CDH4: variants seen among roughly 807,000 people sequenced by gnomAD.
The protein encoded by CDH4 is cadherin-4.
CDH4 carries 33 observed loss-of-function variants against 86.0 expected under a neutral mutation model. The ratio of observed to expected loss-of-function variants is 0.38; its 90% CI spans 0.29 to 0.51. CDH4 has a LOEUF of 0.51. Among genes scored for constraint, CDH4 ranks in the 20% least tolerant of loss-of-function variants. The pLI, the probability that CDH4 is intolerant of heterozygous loss-of-function variation, is 0.86. For missense variants in CDH4, 1,114 were observed against 1,307.4 expected (o/e 0.85, Z 2.28); for synonymous variants, 555 against 549.4 (o/e 1.01, Z -0.14).
At chr20:61,716,591 C>T (rs1011753353) in intron 2 of CDH4, among the ~76,000 whole-genome samples, 2 of 152,186 alleles carry the variant, frequency 1.3e-5, no homozygotes, top group South Asian at 2.1e-4. Context: ...AAGAAAGACT[C>T]ACCAAAGCCC....
chr20:61,725,088 G>A (rs953849997), intron 2 of CDH4, among the ~76,000 whole-genome samples: 4 of 152,156 alleles, frequency 2.6e-5, no homozygotes, highest in African/African-American at 7.2e-5. Flanking sequence ...CTCCAGCCTG[G>A]GCGACAGAGT....
At chr20:61,934,675 G>C (rs929968452) in intron 15 of CDH4, among the ~76,000 whole-genome samples, 1 of 152,214 alleles carries the variant, frequency 6.6e-6, no homozygotes, top group African/African-American at 2.4e-5. Context: ...GATGCTCAGA[G>C]AGGCAGAGGC....
chr20:61,771,961 T>C (rs79347085), intron 3 of CDH4, among the ~76,000 whole-genome samples: 2,229 of 152,290 alleles, frequency 0.015, 53 homozygotes, highest in African/African-American at 0.051. Flanking sequence ...TTTGAGGCTC[T>C]TGATAGTCAC....
chr20:61,612,550 C>T (rs2086693264), intron 2 of CDH4, among the ~76,000 whole-genome samples: 1 of 152,094 alleles, frequency 6.6e-6, no homozygotes, highest in South Asian at 2.1e-4. Context: ...GACAGCTGTC[C>T]ACATGGTCAC....
At chr20:61,420,821 C>T (rs2085173615) in intron 2 of CDH4, among the ~76,000 whole-genome samples, 1 of 152,240 alleles carries the variant, frequency 6.6e-6, no homozygotes, top group African/African-American at 2.4e-5. Flanking sequence ...GTGGCATGTC[C>T]CACGGGGGAT....
Position 61,582,771 on chromosome 20 carries a change from A to G in CDH4, c.170-160792A>G, listed in dbSNP as rs1237852188. On this transcript the variant is annotated intron_variant, in intron 2 of 15. Transcript: ENST00000614565. The surrounding 1 kb of genome is among the most constrained non-coding windows in gnomAD (Gnocchi z 4.2). Reference sequence around the variant, plus strand: ...CACGCCTGCCCTTCGTTTCTTTAACAGTTTTATTAAGGTGTAATTTACATG... The same window carrying G: ...CACGCCTGCCCTTCGTTTCTTTAACGGTTTTATTAAGGTGTAATTTACATG... Among the ~76,000 whole-genome samples, 1 of 151,964 alleles carries G rather than the reference A, an allele frequency of 6.6e-6. No homozygotes were observed. Among genetic ancestry groups the G allele is most frequent in the African/African-American group, 2.4e-5 (1 of 41,374 alleles).
intron 2 of CDH4, among the ~76,000 whole-genome samples, chr20:61,406,408 C>T (rs1480495884): frequency 1.3e-5 from 2 of 150,984 alleles, no homozygotes; most frequent in Non-Finnish European, 2.9e-5. Context: ...CTGCCCAGAC[C>T]ACCATCTGCT....
At chr20:61,298,365 G>A (rs2084368135) in intron 2 of CDH4, among the ~76,000 whole-genome samples, 2 of 116,654 alleles carry the variant, frequency 1.7e-5, no homozygotes, top group South Asian at 6.5e-4. Context: ...CAATCAGCAG[G>A]CCCCTCCAAG....
chr20:61,333,273 A>G (rs888756931), intron 2 of CDH4, among the ~76,000 whole-genome samples: 86 of 152,016 alleles, frequency 5.7e-4, no homozygotes, highest in Non-Finnish European at 1.0e-3. Flanking sequence ...GTACACACAC[A>G]CACACACACA....
chr20:61,755,496 C>CCA (rs1261997314), intron 3 of CDH4, among the ~76,000 whole-genome samples: 1 of 148,300 alleles, frequency 6.7e-6, no homozygotes, highest in Non-Finnish European at 1.5e-5. Flanking sequence ...ACATCACACA[C>CCA]CACACACACA....
intron 1 of CDH4, among the ~76,000 whole-genome samples, chr20:61,253,173 C>G (rs2084074526): frequency 6.6e-6 from 1 of 151,300 alleles, no homozygotes; most frequent in African/African-American, 2.4e-5. Flanking sequence ...CACCCCCGAG[C>G]CCTCGGCGGG....
At chr20:61,826,805 T>G (rs1334960155) in intron 4 of CDH4, among the ~76,000 whole-genome samples, 1 of 152,216 alleles carries the variant, frequency 6.6e-6, no homozygotes, top group Non-Finnish European at 1.5e-5. Context: ...CCTCATGGCC[T>G]CCTACCTGTC....
At chr20:61,862,218 T>C (rs1409210988) in intron 6 of CDH4, among the ~76,000 whole-genome samples, 2 of 152,130 alleles carry the variant, frequency 1.3e-5, no homozygotes, top group Non-Finnish European at 2.9e-5. Context: ...CAGGTGGCTG[T>C]TGGTCTCCAC....
At chr20:61,445,144 G>C (rs900728938) in intron 2 of CDH4, among the ~76,000 whole-genome samples, 2 of 152,070 alleles carry the variant, frequency 1.3e-5, no homozygotes, top group Admixed American at 1.3e-4. Context: ...ACTCCCTATT[G>C]CAAGAATCCC....
intron 2 of CDH4, among the ~76,000 whole-genome samples, chr20:61,583,577 G>T (rs2086448112): frequency 6.6e-6 from 1 of 152,162 alleles, no homozygotes; most frequent in South Asian, 2.1e-4. Flanking sequence ...GGGGTGAGGG[G>T]TTGTCCCTGG....
At chr20:61,401,712 G>A (rs780042837) in intron 2 of CDH4, among the ~76,000 whole-genome samples, 1 of 152,212 alleles carries the variant, frequency 6.6e-6, no homozygotes, top group Non-Finnish European at 1.5e-5. Flanking sequence ...GTCTGGTCTG[G>A]TTTAGGACAG....
At chr20:61,475,145 G>A (rs934222418) in intron 2 of CDH4, among the ~76,000 whole-genome samples, 2 of 152,050 alleles carry the variant, frequency 1.3e-5, no homozygotes, top group South Asian at 4.2e-4. Flanking sequence ...GTACAAAAGG[G>A]GGCATGTGTT....
chr20:61,288,252 G>A (rs1253895026), intron 2 of CDH4, among the ~76,000 whole-genome samples: 3 of 151,994 alleles, frequency 2.0e-5, no homozygotes, highest in Non-Finnish European at 4.4e-5. Context: ...AGTGATCCAC[G>A]AAAATGAGGA....
At position 61,887,457 on chromosome 20, in the gene CDH4, A is replaced by G. The variant is rs562763763; in HGVS notation, c.1051-7453A>G. Among the ~76,000 whole-genome samples, 146 of 152,366 alleles carry G rather than the reference A, an allele frequency of 9.6e-4. 1 individual carries two copies. Among genetic ancestry groups the G allele is most frequent in the Non-Finnish European group, 1.7e-3 (119 of 68,028 alleles). On this transcript the variant is annotated intron_variant, in intron 7 of 15. Coordinates refer to ENST00000614565, the MANE Select transcript of CDH4 (RefSeq NM_001794.5). ...GGTTTACATGCATACAGAGGTGCAC[A>G]CATACACGTGTGTATACACGCACAC... is the stretch of plus-strand genomic sequence containing the variant.
Sources: gnomAD v4.1 joint callset for allele counts (sites outside exome capture counted in the v4.1 genomes callset) on GRCh38, gnomAD v4.1.1 for gene constraint, Gnocchi (gnomAD v3.1) non-coding constraint, MANE v1.5 for transcripts, NCBI Gene and HGNC (gene_info 2026-07-23, HGNC 2026-07-21) for gene names.